The following JMY variants were observed in gnomAD, a reference collection of about 807,000 sequenced individuals.
JMY encodes junction mediating and regulatory protein, p53 cofactor.
In JMY, 46 loss-of-function variants were observed where a neutral mutation model predicts 103.3. The observed-to-expected ratio is 0.45, with a 90% CI of 0.35 to 0.57. The LOEUF (loss-of-function observed/expected upper bound fraction) is 0.57, where lower values mean the gene tolerates loss of function less well. Ranked by LOEUF, JMY falls within the 20% of genes least tolerant of loss-of-function variation. The pLI is 0.00. For synonymous variants in JMY, 526 were observed against 489.3 expected, an observed-to-expected ratio of 1.07 and a Z score of -0.99; for missense variants, 1,238 against 1,255.2, an observed-to-expected ratio of 0.99 and a Z score of 0.21.
chr5:79,270,640 T>TATTTATATAAAATATATTTACATAAAC (rs1382901524), intron 1 of JMY, among the ~76,000 whole-genome samples: 1 of 139,696 alleles, frequency 7.2e-6, no homozygotes, highest in East Asian at 2.0e-4. Flanking sequence ...TTTACATAAA[T>TATTTATATAAAATATATTTACATAAAC]ATTTATATAA....
intron 1 of JMY, among the ~76,000 whole-genome samples, chr5:79,266,953 A>G (rs1467767998): frequency 6.6e-6 from 1 of 152,232 alleles, no homozygotes; most frequent in Non-Finnish European, 1.5e-5. Flanking sequence ...AGTTTAACAC[A>G]TACAATGAAA....
At chr5:79,258,076 A>G (rs1341028490) in intron 1 of JMY, among the ~76,000 whole-genome samples, 1 of 152,070 alleles carries the variant, frequency 6.6e-6, no homozygotes, top group Non-Finnish European at 1.5e-5. Context: ...GATTTTTTAT[A>G]CATAACATGT....
intron 5 of JMY, 137 bp downstream of exon 5, chr5:79,300,455 C>T: frequency 1.2e-6 from 1 of 865,834 alleles, no homozygotes; most frequent in Non-Finnish European, 1.7e-6. Flanking sequence ...GGGGTGATTT[C>T]TAGCATTTAT....
intron 1 of JMY, among the ~76,000 whole-genome samples, chr5:79,271,610 T>G (rs577338123): frequency 2.0e-5 from 3 of 152,300 alleles, no homozygotes; most frequent in African/African-American, 7.2e-5. Flanking sequence ...TTTTTGTACA[T>G]TTGTGTCTCA....
At chr5:79,312,358 A>T (rs1267040830) in intron 7 of JMY, 45 bp from the exon 8 acceptor site, 1 of 1,172,762 alleles carries the variant, frequency 8.5e-7, no homozygotes, top group African/African-American at 1.6e-5. Flanking sequence ...TTAATGATAA[A>T]AATTGGGACA....
chr5:79,240,484 A>G (rs114996730), intron 1 of JMY, among the ~76,000 whole-genome samples: 4,986 of 151,032 alleles, frequency 0.033, 94 homozygotes, highest in South Asian at 0.062. Flanking sequence ...TAATTTTTGT[A>G]TTTTTGTAGT....
intron 1 of JMY, among the ~76,000 whole-genome samples, chr5:79,273,517 T>C (rs1745844885): frequency 6.6e-6 from 1 of 152,264 alleles, no homozygotes; most frequent in Admixed American, 6.5e-5. Context: ...ATTTATCTGC[T>C]TGGAGCTATT....
chr5:79,257,580 G>A (rs944421597), intron 1 of JMY, among the ~76,000 whole-genome samples: 2 of 152,084 alleles, frequency 1.3e-5, no homozygotes, highest in African/African-American at 4.8e-5. Flanking sequence ...TGCTAGCGTG[G>A]GCAGCAGCGT....
Position 79,255,294 on chromosome 5 carries a change from G to A in JMY, c.1032+17612G>A, listed in dbSNP as rs1384335153. Among the ~76,000 whole-genome samples, 11 of 151,708 alleles carry A rather than the reference G, an allele frequency of 7.3e-5. No individual in the cohort carries two copies. In the South Asian group the frequency reaches 1.5e-3, roughly 20 times the overall value. On this transcript the variant is annotated intron_variant, in intron 1 of 10. Coordinates refer to ENST00000396137, the MANE Select transcript of JMY (RefSeq NM_152405.5). ...GTATTTTTAGTAGAGATGGGGTTTC[G>A]CCATGTTGGCCAGGCTGGTCTGGAA...
In JMY at chr5:79,247,529, C is replaced by T. The variant is rs920785052; in HGVS notation, c.1032+9847C>T. On this transcript the variant is annotated intron_variant, in intron 1 of 10. Coordinates refer to ENST00000396137, the MANE Select transcript of JMY (RefSeq NM_152405.5). Reference sequence around the variant, plus strand: ...ACAGGGTTTCACCATGTTGCCCATGCGGGTCTCAGTCTCCTGAGCTCAAGC... The same window carrying T: ...ACAGGGTTTCACCATGTTGCCCATGTGGGTCTCAGTCTCCTGAGCTCAAGC... Among the ~76,000 whole-genome samples, 6 of 152,194 alleles carry T rather than the reference C, an allele frequency of 3.9e-5. No homozygotes were observed. The South Asian group carries it at 8.3e-4, about 21-fold the overall frequency.
chr5:79,269,182 G>A (rs1005539550), intron 1 of JMY, among the ~76,000 whole-genome samples: 3 of 152,098 alleles, frequency 2.0e-5, no homozygotes, highest in African/African-American at 7.2e-5. Context: ...AGAGTGCAAG[G>A]TCTGTGTCTA....
intron 4 of JMY, among the ~76,000 whole-genome samples, chr5:79,291,861 AC>A (rs1746432234): frequency 6.6e-6 from 1 of 152,208 alleles, no homozygotes; most frequent in African/African-American, 2.4e-5. Flanking sequence ...AACACTGAGT[AC>A]ATATTTATTA....
At chr5:79,301,239 A>G (rs967747610) in intron 6 of JMY, among the ~76,000 whole-genome samples, 2 of 152,190 alleles carry the variant, frequency 1.3e-5, no homozygotes, top group African/African-American at 4.8e-5. Flanking sequence ...ACATTTTAGA[A>G]TGTTTGATTC....
intron 1 of JMY, among the ~76,000 whole-genome samples, chr5:79,241,683 C>A (rs533490159): frequency 4.6e-5 from 7 of 152,176 alleles, no homozygotes; most frequent in Middle Eastern, 3.4e-3. Context: ...TTTCACAGTG[C>A]GTTTAAAAGT....
chr5:79,300,224 G>A lies in JMY; in HGVS notation c.1599G>A (p.Leu533=). The A allele has an allele frequency of 6.2e-7, 1 of 1,607,060 alleles. No homozygotes were observed. Among genetic ancestry groups the A allele is most frequent in the Non-Finnish European group, 8.5e-7 (1 of 1,176,470 alleles). ...AGTTAGAAGCTGATTATTATGATCTGCAACTTCAGTTGTATGAAGTACAGT... is the reference window on the plus strand; with the variant it reads ...AGTTAGAAGCTGATTATTATGATCTACAACTTCAGTTGTATGAAGTACAGT... ...LDQLEADYYD[L]QLQLYEVQFE... The change falls in exon 5 of 11, where the codon CTG becomes CTA. Residue 533 remains leucine (L), a synonymous_variant. Transcript: ENST00000396137.
At chr5:79,318,808 G>A (rs1259956275) in intron 10 of JMY, among the ~76,000 whole-genome samples, 1 of 137,214 alleles carries the variant, frequency 7.3e-6, no homozygotes, top group Non-Finnish European at 1.6e-5. Context: ...AGAGAGGGAT[G>A]CATATCAGTT....
At chr5:79,260,267 C>T (rs761358380) in intron 1 of JMY, among the ~76,000 whole-genome samples, 1 of 152,166 alleles carries the variant, frequency 6.6e-6, no homozygotes, top group African/African-American at 2.4e-5. Flanking sequence ...TCCTGCCTGG[C>T]CCTGTGATGG....
intron 4 of JMY, among the ~76,000 whole-genome samples, chr5:79,292,355 C>T (rs1746446373): frequency 6.6e-6 from 1 of 152,064 alleles, no homozygotes; most frequent in Non-Finnish European, 1.5e-5. Flanking sequence ...AACAGTGTCT[C>T]ATTCTGTCAC....
Position 79,236,634 on chromosome 5 carries a change from G to C in JMY, c.-17G>C, listed in dbSNP as rs2112034502. The C allele has an allele frequency of 7.3e-7, 1 of 1,373,078 alleles. No individual in the cohort carries two copies. The highest frequency in any genetic ancestry group is 3.1e-5 in the East Asian group (1 of 32,224). The allele number at this position is 1,373,078 out of a possible 1,614,324, so 85.1% of individuals were successfully genotyped here. On this transcript the variant is annotated 5_prime_UTR_variant, in exon 1 of 11. Coordinates refer to ENST00000396137, the MANE Select transcript of JMY (RefSeq NM_152405.5). Reference sequence around the variant, plus strand: ...CGGGCCGGCGGCCCTTCCCCGCGGCGAGAAGCCGGAGCCACCATGTCGTTC... The same window carrying C: ...CGGGCCGGCGGCCCTTCCCCGCGGCCAGAAGCCGGAGCCACCATGTCGTTC...
Sources: allele counts gnomAD v4.1 joint callset (sites outside exome capture counted in the v4.1 genomes callset), GRCh38; gene constraint gnomAD v4.1.1; transcripts MANE v1.5; gene names NCBI Gene and HGNC (gene_info 2026-07-23, HGNC 2026-07-21).